RPS6KA5: variants seen among roughly 807,000 people sequenced by gnomAD.
The protein encoded by RPS6KA5 is ribosomal protein S6 kinase alpha-5.
A neutral mutation model predicts 85.5 loss-of-function variants in RPS6KA5; 27 were observed. That is an observed-to-expected ratio of 0.32 (90% confidence interval 0.23 to 0.44). RPS6KA5 has a LOEUF of 0.44. Among genes scored for constraint, RPS6KA5 ranks in the 20% least tolerant of loss-of-function variants. The pLI, the probability that RPS6KA5 is intolerant of heterozygous loss-of-function variation, is 1.00. For missense variants in RPS6KA5, 811 were observed against 980.9 expected (o/e 0.83, Z 2.31); for synonymous variants, 334 against 348.2 (o/e 0.96, Z 0.46).
intron 2 of RPS6KA5, among the ~76,000 whole-genome samples, chr14:90,994,612 C>T (rs148377850): frequency 0.01 from 1,410 of 135,564 alleles, 22 homozygotes; most frequent in African/African-American, 0.038. Flanking sequence ...CACTCTGTCG[C>T]CCAGGCTGGA....
At chr14:91,049,503 T>C (rs183037342) in intron 1 of RPS6KA5, among the ~76,000 whole-genome samples, 184 of 152,092 alleles carry the variant, frequency 1.2e-3, no homozygotes, top group African/African-American at 4.1e-3. Context: ...TAGTCCCAGC[T>C]ACTCGGGAGG....
chr14:90,993,838 T>C (rs1276911867), intron 2 of RPS6KA5, among the ~76,000 whole-genome samples: 4 of 152,198 alleles, frequency 2.6e-5, no homozygotes, highest in Admixed American at 2.6e-4. Flanking sequence ...GAACAGTGCC[T>C]CTACTCATTC....
rs371530036 is a variant in RPS6KA5 at position 90,994,719 on chromosome 14, C to T, written c.175+6369G>A. 2.0e-5 allele frequency among the ~76,000 whole-genome samples: 3 copies of T among 151,624 alleles called. No homozygotes were observed. In the East Asian group the frequency reaches 5.8e-4, roughly 29 times the overall value. ...CCCAACTAGCTGGGAGTACAGGTGC[C>T]CGCCACCATGCCCGGCTAATTTTTT... On this transcript the variant is annotated intron_variant, in intron 2 of 16. Transcript: ENST00000614987.
rs369503281 is a variant in RPS6KA5 at position 90,900,165 on chromosome 14, C to T, written c.1322G>A (p.Arg441Gln). 3.8e-5 allele frequency: 61 copies of T among 1,606,052 alleles called. No individual in the cohort carries two copies. The highest frequency in any genetic ancestry group is 1.4e-4 in the East Asian group (6 of 44,374). ...PLGEGSFSIC[R>Q]KCVHKKSNQA... is the part of the protein sequence containing the mutation. ...GTTACTTTTTTTATGCACACACTTT[C>T]GACAAATTGAAAAACTACCTTCTCC... The change falls in exon 11 of 17, where the codon CGA becomes CAA. Residue 441 changes from arginine to glutamine, a missense_variant. Around this residue, in one of 3 missense-constraint regions of RPS6KA5, gnomAD observed 650 missense variants for 793.4 expected, o/e 0.82. Coordinates refer to ENST00000614987, the MANE Select transcript of RPS6KA5 (RefSeq NM_004755.4).
At chr14:91,004,003 G>A (rs2040897395) in intron 1 of RPS6KA5, among the ~76,000 whole-genome samples, 1 of 152,206 alleles carries the variant, frequency 6.6e-6, no homozygotes, top group Non-Finnish European at 1.5e-5. Flanking sequence ...CAAGGTCAAG[G>A]TTTCAGTTTG....
At chr14:90,955,745 C>T (rs182228224) in intron 3 of RPS6KA5, among the ~76,000 whole-genome samples, 4 of 152,182 alleles carry the variant, frequency 2.6e-5, no homozygotes, top group South Asian at 2.1e-4. Context: ...TCTATTATGC[C>T]TAGGTGGTTT....
chr14:90,894,840 A>G (rs1035009548), intron 12 of RPS6KA5, among the ~76,000 whole-genome samples: 6 of 152,066 alleles, frequency 3.9e-5, no homozygotes, highest in Admixed American at 3.9e-4. Context: ...TCTGTGATGA[A>G]TTCTTTCATT....
Position 90,912,997 on chromosome 14 carries a change from G to C in RPS6KA5, c.807-6698C>G, listed in dbSNP as rs1281541506. Among the ~76,000 whole-genome samples, 3 of 124,200 alleles carry C rather than the reference G, an allele frequency of 2.4e-5. No individual in the cohort carries two copies. In the Admixed American group the frequency reaches 3.2e-4, roughly 13 times the overall value. 81.5% of individuals were successfully genotyped at this position (124,200 alleles called of 152,430 possible). ...GCAATCTTGGCTCACTGCAACCTCC[G>C]CCTCCTGAGTTCAAGTGATTCTCCT... On this transcript the variant is annotated intron_variant, in intron 7 of 16. Coordinates refer to ENST00000614987, the MANE Select transcript of RPS6KA5 (RefSeq NM_004755.4).
rs189779558 is a variant in RPS6KA5 at position 90,990,615 on chromosome 14, T to C, written c.175+10473A>G. On this transcript the variant is annotated intron_variant, in intron 2 of 16. Coordinates refer to ENST00000614987, the MANE Select transcript of RPS6KA5 (RefSeq NM_004755.4). ...ATGTTCACTGCAGCACTATTCAAAA[T>C]AGCAAAGACATGGAATCAACCTAGA... Among the ~76,000 whole-genome samples the C allele has an allele frequency of 1.2e-4, 18 of 152,268 alleles. No individual in the cohort carries two copies. In the East Asian group the frequency reaches 3.5e-3, roughly 29 times the overall value.
chr14:91,035,861 A>AC (rs2042380711), intron 1 of RPS6KA5, among the ~76,000 whole-genome samples: 2 of 135,030 alleles, frequency 1.5e-5, no homozygotes, highest in South Asian at 4.5e-4. Flanking sequence ...AAAAAAAAAA[A>AC]AAAAAAAAAA....
At chr14:90,914,975 C>A (rs552899207) in intron 7 of RPS6KA5, among the ~76,000 whole-genome samples, 7 of 151,934 alleles carry the variant, frequency 4.6e-5, no homozygotes, top group African/African-American at 1.7e-4. Flanking sequence ...ACAGAAATAC[C>A]CAAAATGAGG....
chr14:90,868,861 A>ATACTTAAG lies in RPS6KA5; in HGVS notation c.*3212_*3213insCTTAAGTA. ...TTTAAAATAACTTACCTTATATTTA[A>ATACTTAAG]AAGTTAGTCATTTACATACTTAAGA... On this transcript the variant is annotated 3_prime_UTR_variant, in exon 17 of 17. Coordinates refer to ENST00000614987, the MANE Select transcript of RPS6KA5 (RefSeq NM_004755.4). The ATACTTAAG allele has an allele frequency of 2.0e-5, 3 of 152,300 alleles. No homozygotes were observed. Among genetic ancestry groups the ATACTTAAG allele is most frequent in the Middle Eastern group, 6.8e-3 (2 of 294 alleles). The allele number at this position is 152,300 out of a possible 1,614,324, so 9.4% of individuals were successfully genotyped here. A position where few individuals can be genotyped will look rare whatever the true frequency, so the allele number is the denominator to read the frequency against.
intron 3 of RPS6KA5, among the ~76,000 whole-genome samples, chr14:90,955,447 C>T (rs1451546849): frequency 6.6e-6 from 1 of 152,002 alleles, no homozygotes; most frequent in Non-Finnish European, 1.5e-5. Context: ...GAGACGGGGT[C>T]TCACACTTTG....
chr14:90,967,944 T>C (rs558341727), intron 3 of RPS6KA5, among the ~76,000 whole-genome samples: 3 of 152,324 alleles, frequency 2.0e-5, no homozygotes, highest in South Asian at 2.1e-4. Flanking sequence ...GTGGTCTACA[T>C]GGCTGATGCT....
At chr14:90,876,357 A>C (rs913313399) in intron 14 of RPS6KA5, among the ~76,000 whole-genome samples, 4 of 152,076 alleles carry the variant, frequency 2.6e-5, no homozygotes, top group African/African-American at 9.7e-5. Context: ...TTCCTATTTG[A>C]TCTGTAATTA....
chr14:91,044,832 T>C (rs1033353602), intron 1 of RPS6KA5, among the ~76,000 whole-genome samples: 45 of 149,272 alleles, frequency 3.0e-4, no homozygotes, highest in African/African-American at 8.9e-4. Flanking sequence ...GACCGCACCA[T>C]TGCACTCCAG....
At chr14:90,872,739 C>T (rs183095130) in intron 16 of RPS6KA5, among the ~76,000 whole-genome samples, 1 of 152,262 alleles carries the variant, frequency 6.6e-6, no homozygotes, top group Admixed American at 6.5e-5. Context: ...CATTCTGAGT[C>T]TTTGCTCTTC....
chr14:90,979,672 C>CTAAT (rs2039711556), intron 2 of RPS6KA5, among the ~76,000 whole-genome samples: 1 of 152,236 alleles, frequency 6.6e-6, no homozygotes, highest in African/African-American at 2.4e-5. Flanking sequence ...CAGTGAAAGA[C>CTAAT]TAATAATCCT....
At chr14:91,015,295 A>T (rs1399515110) in intron 1 of RPS6KA5, among the ~76,000 whole-genome samples, 1 of 152,178 alleles carries the variant, frequency 6.6e-6, no homozygotes, top group Non-Finnish European at 1.5e-5. Flanking sequence ...CCTTATCCTC[A>T]AATTAAGGTA....
Sources: gnomAD v4.1 joint callset for allele counts (sites outside exome capture counted in the v4.1 genomes callset) on GRCh38, gnomAD v4.1.1 for gene constraint, gnomAD v4.1.1 regional missense constraint, MANE v1.5 for transcripts, NCBI Gene and HGNC (gene_info 2026-07-23, HGNC 2026-07-21) for gene names.